SLC22A2: variants seen among roughly 807,000 people sequenced by gnomAD.
The protein encoded by SLC22A2 is solute carrier family 22 member 2, also known as organic cation transporter 2.
SLC22A2 carries 46 observed loss-of-function variants against 60.5 expected under a neutral mutation model. The observed-to-expected ratio is 0.76, with a 90% CI of 0.60 to 0.97. SLC22A2 has a LOEUF of 0.97. Ranked by LOEUF, SLC22A2 falls within the 50% of genes least tolerant of loss-of-function variation. The pLI is 0.00. For missense variants in SLC22A2, 701 were observed against 706.6 expected, an observed-to-expected ratio of 0.99 and a Z score of 0.09; for synonymous variants, 303 against 267.0, an observed-to-expected ratio of 1.13 and a Z score of -1.31.
intron 4 of SLC22A2, 124 bp from the exon 5 acceptor site, chr6:160,247,422 C>G (rs1010878368): frequency 1.6e-6 from 1 of 607,068 alleles, no homozygotes. Context: ...AAATAACACT[C>G]GTGTAGGGGG....
intron 5 of SLC22A2, among the ~76,000 whole-genome samples, chr6:160,245,880 T>C (rs1310214157): frequency 1.2e-4 from 17 of 144,516 alleles, no homozygotes; most frequent in African/African-American, 4.1e-4. Context: ...TTTTTTTTTT[T>C]TCCCCGAGAC....
At chr6:160,224,506 C>T (rs747562223) in intron 10 of SLC22A2, among the ~76,000 whole-genome samples, 199 bp downstream of exon 10, 36 of 152,208 alleles carry the variant, frequency 2.4e-4, no homozygotes, top group African/African-American at 6.3e-4. Flanking sequence ...ACCTTCTCCA[C>T]GTGAAAGTTT....
In SLC22A2 at chr6:160,246,652, C is replaced by G. The variant is rs549704015; in HGVS notation, c.957+532G>C. ...ATTCTGGCTACTAGGGAGGCTGAAG[C>G]AGGAGAATCGCTTGAACCTGGGAAG... On this transcript the variant is annotated intron_variant, in intron 5 of 10. Transcript: ENST00000366953. Among the ~76,000 whole-genome samples the G allele has an allele frequency of 2.4e-3, 366 of 152,226 alleles. 1 individual carries two copies. The highest frequency in any genetic ancestry group is 4.2e-3 in the South Asian group (20 of 4,818).
chr6:160,247,094 G>A, intron 5 of SLC22A2, 90 bp downstream of exon 5: 1 of 771,750 alleles, frequency 1.3e-6, no homozygotes, highest in Non-Finnish European at 2.2e-6. Flanking sequence ...TGCTTCCATG[G>A]TTCCCTGCTG....
At chr6:160,247,610 G>C (rs1239310352) in intron 4 of SLC22A2, among the ~76,000 whole-genome samples, 1 of 152,204 alleles carries the variant, frequency 6.6e-6, no homozygotes, top group Admixed American at 6.5e-5. Context: ...ACTGGCAGAG[G>C]GGTCAAGGAC....
chr6:160,245,409 A>T, intron 6 of SLC22A2, 30 bp downstream of exon 6: 1 of 1,216,568 alleles, frequency 8.2e-7, no homozygotes, highest in Non-Finnish European at 1.2e-6. Flanking sequence ...AACAATTTGG[A>T]GGCATTTCAA....
At chr6:160,243,542 G>GTCTT in intron 7 of SLC22A2, 30 bp downstream of exon 7, 1 of 1,497,358 alleles carries the variant, frequency 6.7e-7, no homozygotes, top group Non-Finnish European at 9.3e-7. Context: ...GGGTCTTGGA[G>GTCTT]ATAAGACTCC....
chr6:160,246,264 G>A (rs1783093091), intron 5 of SLC22A2, among the ~76,000 whole-genome samples: 3 of 152,048 alleles, frequency 2.0e-5, no homozygotes, highest in South Asian at 4.2e-4. Flanking sequence ...ACCTCCCAAA[G>A]TGATGGCATT....
At chr6:160,238,051 CAAGCAGCCCTCAGGGCTGCCCTGCCTATG>C (rs1782938634) in intron 9 of SLC22A2, among the ~76,000 whole-genome samples, 1 of 152,240 alleles carries the variant, frequency 6.6e-6, no homozygotes, top group Non-Finnish European at 1.5e-5. Flanking sequence ...AAATGGGCAA[CAAGCAGCCCTCAGGGCTGCCCTGCCTATG>C]GAGCAGCCAT....
chr6:160,256,885 TTCTTC>T (rs1291849251), intron 1 of SLC22A2, among the ~76,000 whole-genome samples, 168 bp from the exon 2 acceptor site: 15 of 142,416 alleles, frequency 1.1e-4, no homozygotes, highest in East Asian at 6.5e-4. Context: ...AATTTTCTTC[TTCTTC>T]TCTCTCTCTC....
intron 9 of SLC22A2, among the ~76,000 whole-genome samples, chr6:160,226,447 G>A (rs1220540892): frequency 6.6e-6 from 1 of 152,170 alleles, no homozygotes; most frequent in Non-Finnish European, 1.5e-5. Context: ...TGAACCCCTT[G>A]GGTGGTTACA....
intron 10 of SLC22A2, among the ~76,000 whole-genome samples, chr6:160,219,129 C>T: frequency 6.6e-6 from 1 of 152,180 alleles, no homozygotes. Context: ...GCAGCAACAA[C>T]AGCAGTACGA....
chr6:160,258,351 A>T lies in SLC22A2; in HGVS notation c.407T>A (p.Val136Asp). 6.2e-7 allele frequency: 1 copy of T among 1,607,340 alleles called. No individual in the cohort carries two copies. Among genetic ancestry groups the T allele is most frequent in the Non-Finnish European group, 8.5e-7 (1 of 1,176,888 alleles). ...CTGAGCTCACTCTCTTACCTCGGTG[A>T]CGATGGACGAGCCAGGCGTCTCGTA... ...WVYETPGSSIVTEFNLVCANS... is the reference protein window; with the variant it reads ...WVYETPGSSIDTEFNLVCANS... The change falls in exon 1 of 11, where the codon GTC becomes GAC. Residue 136 changes from valine (V) to aspartate (D), a missense_variant. By Grantham distance (152) the Val-to-Asp change is radical (BLOSUM62 -3). Transcript: ENST00000366953.
At position 160,233,334 on chromosome 6, in the gene SLC22A2, C is replaced by G. The variant is rs745403338; in HGVS notation, c.1501+8140G>C. ...CACCTCTATACAGTCTGATAACGGACCAGCCTTTATTAGTCAAATCACCCA... is the reference window on the plus strand; with the variant it reads ...CACCTCTATACAGTCTGATAACGGAGCAGCCTTTATTAGTCAAATCACCCA... On this transcript the variant is annotated intron_variant, in intron 9 of 10. Coordinates refer to ENST00000366953, the MANE Select transcript of SLC22A2 (RefSeq NM_003058.4). Among the ~76,000 whole-genome samples, 84 of 151,842 alleles carry G rather than the reference C, an allele frequency of 5.5e-4. 1 individual carries two copies. The highest frequency in any genetic ancestry group is 1.0e-3 in the Non-Finnish European group (68 of 68,036).
chr6:160,230,902 A>C (rs1782810576), intron 9 of SLC22A2, among the ~76,000 whole-genome samples: 1 of 151,866 alleles, frequency 6.6e-6, no homozygotes, highest in Non-Finnish European at 1.5e-5. Flanking sequence ...AGGGCCCCTA[A>C]AGCTCTAGCC....
intron 9 of SLC22A2, among the ~76,000 whole-genome samples, chr6:160,226,333 T>G (rs540389393): frequency 6.6e-6 from 1 of 152,306 alleles, no homozygotes; most frequent in South Asian, 2.1e-4. Flanking sequence ...ATTTGAGTAA[T>G]AATAAAACTC....
At chr6:160,246,248 GCCT>G (rs1783092902) in intron 5 of SLC22A2, among the ~76,000 whole-genome samples, 2 of 152,088 alleles carry the variant, frequency 1.3e-5, no homozygotes, top group Non-Finnish European at 2.9e-5. Context: ...TGATCTACCT[GCCT>G]CTACCTCCCA....
chr6:160,234,615 T>C lies in SLC22A2; in HGVS notation c.1501+6859A>G, dbSNP rs191818254. Reference sequence around the variant, plus strand: ...GAGACCACATGTTGAAAAATGTCCTTGGGAGCTTGAACTTGTAACCACATG... The same window carrying C: ...GAGACCACATGTTGAAAAATGTCCTCGGGAGCTTGAACTTGTAACCACATG... On this transcript the variant is annotated intron_variant, in intron 9 of 10. Coordinates refer to ENST00000366953, the MANE Select transcript of SLC22A2 (RefSeq NM_003058.4). 1.9e-3 allele frequency among the ~76,000 whole-genome samples: 282 copies of C among 152,362 alleles called. 1 individual carries two copies. The highest frequency in any genetic ancestry group is 6.4e-3 in the African/African-American group (267 of 41,586).
intron 1 of SLC22A2, among the ~76,000 whole-genome samples, chr6:160,257,183 A>G (rs1394292325): frequency 6.6e-6 from 1 of 152,168 alleles, no homozygotes; most frequent in Non-Finnish European, 1.5e-5. Context: ...AGACAAATTT[A>G]TTTTTTCCTT....
Sources: gnomAD v4.1 joint callset for allele counts (sites outside exome capture counted in the v4.1 genomes callset) on GRCh38, gnomAD v4.1.1 for gene constraint, MANE v1.5 for transcripts, NCBI Gene and HGNC (gene_info 2026-07-23, HGNC 2026-07-21) for gene names.